STAU1: variants seen among roughly 807,000 people sequenced by gnomAD.
STAU1 encodes the protein staufen double-stranded RNA binding protein 1, also known as double-stranded RNA-binding protein Staufen homolog 1.
A neutral mutation model predicts 62.9 loss-of-function variants in STAU1; 13 were observed. The ratio of observed to expected loss-of-function variants is 0.21; its 90% CI spans 0.13 to 0.33. The LOEUF is 0.33. Among genes scored for constraint, STAU1 ranks in the 10% least tolerant of loss-of-function variants. STAU1 has a pLI of 1.00. For synonymous variants in STAU1, 269 were observed against 265.1 expected (o/e 1.01, Z -0.14); for missense variants, 571 against 712.1 (o/e 0.80, Z 2.25).
rs565062178 is a variant in STAU1 at position 49,135,691 on chromosome 20, T to G, written c.609+142A>C. 3 of 682,396 alleles carry G rather than the reference T, an allele frequency of 4.4e-6. No homozygotes were observed. In the Admixed American group the frequency reaches 8.9e-5, roughly 20 times the overall value. The allele number at this position is 682,396 out of a possible 1,614,324, so 42.3% of individuals were successfully genotyped here. On this transcript the variant is annotated intron_variant, in intron 6 of 13. Transcript: ENST00000371856. Reference sequence around the variant, plus strand: ...AAGAAGAGAATAAACACTGCTTCACTAAATATAAAGTATGAATCTTAAATT... The same window carrying G: ...AAGAAGAGAATAAACACTGCTTCACGAAATATAAAGTATGAATCTTAAATT...
At chr20:49,169,175 C>G (rs892914945) in intron 2 of STAU1, among the ~76,000 whole-genome samples, 2 of 152,074 alleles carry the variant, frequency 1.3e-5, no homozygotes, top group Non-Finnish European at 2.9e-5. Context: ...ATCTTGAACT[C>G]CTGATCTCAA....
At chr20:49,142,404 A>T (rs899299435) in intron 5 of STAU1, among the ~76,000 whole-genome samples, 2 of 152,124 alleles carry the variant, frequency 1.3e-5, no homozygotes, top group African/African-American at 4.8e-5. Context: ...AAATTTTTTT[A>T]AATAACAATT....
At chr20:49,205,964 G>A in the STAU1 span, among the ~76,000 whole-genome samples, 821 of 149,584 alleles carry the variant, frequency 5.5e-3, 3 homozygotes, top group Non-Finnish European at 9.6e-3. Context: ...GTGAGCTACC[G>A]TGTCCGGCTA....
chr20:49,125,932 T>G (rs1296101103), intron 6 of STAU1, among the ~76,000 whole-genome samples: 1 of 151,990 alleles, frequency 6.6e-6, no homozygotes, highest in Non-Finnish European at 1.5e-5. Flanking sequence ...AGTTTTGACT[T>G]CTGGAAGCAT....
chr20:49,218,606 GT>G, the STAU1 span, among the ~76,000 whole-genome samples: 1 of 151,846 alleles, frequency 6.6e-6, no homozygotes, highest in Admixed American at 6.6e-5. Flanking sequence ...GCCCAGGGTT[GT>G]CTGGAACTCC....
At chr20:49,218,350 G>A in the STAU1 span, among the ~76,000 whole-genome samples, 2 of 150,406 alleles carry the variant, frequency 1.3e-5, no homozygotes, top group African/African-American at 4.9e-5. Flanking sequence ...TCAGCCTCCC[G>A]AGTAGCTGGG....
At chr20:49,216,870 T>C in the STAU1 span, among the ~76,000 whole-genome samples, 54 of 152,124 alleles carry the variant, frequency 3.5e-4, no homozygotes, top group Non-Finnish European at 4.3e-4. Context: ...GGCAAGGCTT[T>C]CAAGATCTTC....
chr20:49,148,851 T>G (rs1429381161), intron 5 of STAU1, among the ~76,000 whole-genome samples: 1 of 152,156 alleles, frequency 6.6e-6, no homozygotes, highest in Non-Finnish European at 1.5e-5. Context: ...CTGTGATCAC[T>G]CTCATGGAGG....
intron 1 of STAU1, among the ~76,000 whole-genome samples, chr20:49,179,429 T>C (rs2093698238): frequency 6.6e-6 from 1 of 152,172 alleles, no homozygotes; most frequent in South Asian, 2.1e-4. Context: ...GTTTACTCAA[T>C]GACAAACCAA....
chr20:49,153,248 T>G (rs1309344378), intron 4 of STAU1, among the ~76,000 whole-genome samples: 3 of 95,202 alleles, frequency 3.2e-5, no homozygotes, highest in Admixed American at 2.4e-4. Context: ...AGACTCCGTC[T>G]CAGAAAAAAA....
chr20:49,181,654 T>C (rs1036386836), intron 1 of STAU1, among the ~76,000 whole-genome samples: 1 of 150,946 alleles, frequency 6.6e-6, no homozygotes, highest in Non-Finnish European at 1.5e-5. Flanking sequence ...TAGTCTCAGC[T>C]ACTCGGGAGG....
the STAU1 span, among the ~76,000 whole-genome samples, chr20:49,194,429 C>CAAA: frequency 8.6e-5 from 7 of 81,076 alleles, no homozygotes; most frequent in Admixed American, 4.2e-4. Flanking sequence ...AACTCCGTCT[C>CAAA]AAAAAAAAAA....
At chr20:49,132,759 CCAAAACAAAA>C (rs11470997) in intron 6 of STAU1, among the ~76,000 whole-genome samples, 16 of 151,342 alleles carry the variant, frequency 1.1e-4, no homozygotes, top group South Asian at 2.1e-4. Context: ...AACTCCATCT[CCAAAACAAAA>C]CAAAACAAAA....
At chr20:49,184,786 G>A (rs1233607772) in intron 1 of STAU1, among the ~76,000 whole-genome samples, 1 of 152,076 alleles carries the variant, frequency 6.6e-6, no homozygotes, top group Non-Finnish European at 1.5e-5. Flanking sequence ...AATTTTAAGA[G>A]GTGTATCTTT....
chr20:49,176,270 A>G (rs1410079927), intron 1 of STAU1, among the ~76,000 whole-genome samples: 1 of 152,238 alleles, frequency 6.6e-6, no homozygotes, highest in Admixed American at 6.5e-5. Context: ...CATTGGGTAC[A>G]TAAATAGTGG....
intron 3 of STAU1, among the ~76,000 whole-genome samples, chr20:49,164,008 G>C (rs2093488953): frequency 6.6e-6 from 1 of 152,230 alleles, no homozygotes; most frequent in East Asian, 1.9e-4. Context: ...AAGGCAAGCT[G>C]ATCACTTGAG....
chr20:49,136,633 G>A (rs1318922638), intron 5 of STAU1, among the ~76,000 whole-genome samples: 1 of 152,158 alleles, frequency 6.6e-6, no homozygotes, highest in African/African-American at 2.4e-5. Context: ...TATGTGGGAC[G>A]TGGCAAATTC....
intron 2 of STAU1, among the ~76,000 whole-genome samples, chr20:49,169,651 A>G (rs1259567810): frequency 1.3e-5 from 2 of 152,178 alleles, no homozygotes; most frequent in African/African-American, 4.8e-5. Flanking sequence ...GAAGTTTGAA[A>G]CGCAAAGATT....
intron 3 of STAU1, among the ~76,000 whole-genome samples, chr20:49,155,803 T>C (rs2093348378): frequency 6.6e-6 from 1 of 152,222 alleles, no homozygotes; most frequent in Non-Finnish European, 1.5e-5. Context: ...TCCACAGAAT[T>C]TGTCTGCAAT....
Sources: gnomAD v4.1 joint callset for allele counts (sites outside exome capture counted in the v4.1 genomes callset) on GRCh38, gnomAD v4.1.1 for gene constraint, MANE v1.5 for transcripts, NCBI Gene and HGNC (gene_info 2026-07-23, HGNC 2026-07-21) for gene names.